Variants in CNTNAP2 observed in about 807,000 individuals in gnomAD.
CNTNAP2 encodes the protein contactin associated protein 2, also known as contactin-associated protein-like 2.
In CNTNAP2, 98 loss-of-function variants were observed where a neutral mutation model predicts 155.2. The observed-to-expected ratio is 0.63, with a 90% CI of 0.54 to 0.75. CNTNAP2 has a LOEUF of 0.75. Among genes scored for constraint, CNTNAP2 ranks in the 30% least tolerant of loss-of-function variants. The pLI, the probability that CNTNAP2 is intolerant of heterozygous loss-of-function variation, is 0.00. For missense variants in CNTNAP2, 1,727 were observed against 1,688.1 expected, an observed-to-expected ratio of 1.02 and a Z score of -0.40; for synonymous variants, 651 against 631.2, an observed-to-expected ratio of 1.03 and a Z score of -0.47.
intron 9 of CNTNAP2, among the ~76,000 whole-genome samples, chr7:147,378,473 G>A (rs369824852): frequency 6.6e-5 from 10 of 152,068 alleles, no homozygotes; most frequent in Admixed American, 3.9e-4. Context: ...TAGAACTGAA[G>A]GACATTATGT....
chr7:146,193,599 A>C (rs1460369155), intron 1 of CNTNAP2, among the ~76,000 whole-genome samples: 2 of 152,184 alleles, frequency 1.3e-5, no homozygotes, highest in East Asian at 3.9e-4. Context: ...CAGAAGGGCC[A>C]TGGGCCCTGT....
intron 3 of CNTNAP2, among the ~76,000 whole-genome samples, chr7:147,004,187 A>G (rs1013557053): frequency 6.8e-6 from 1 of 146,304 alleles, no homozygotes; most frequent in Admixed American, 6.9e-5. Flanking sequence ...GAATTCAATA[A>G]TATTAAAACT....
chr7:147,679,211 A>T (rs1184530746), intron 13 of CNTNAP2, among the ~76,000 whole-genome samples: 1 of 151,936 alleles, frequency 6.6e-6, no homozygotes, highest in Non-Finnish European at 1.5e-5. Context: ...ATTTAAGGAA[A>T]AAGCTCTCTG....
chr7:147,255,035 A>G (rs956362951), intron 8 of CNTNAP2, among the ~76,000 whole-genome samples: 7 of 152,210 alleles, frequency 4.6e-5, no homozygotes, highest in African/African-American at 1.7e-4. Flanking sequence ...TAAAATTATG[A>G]TGGGGAAAAA....
At chr7:147,681,330 A>T (rs115971591) in intron 13 of CNTNAP2, among the ~76,000 whole-genome samples, 39 of 152,044 alleles carry the variant, frequency 2.6e-4, no homozygotes, top group African/African-American at 9.4e-4. Context: ...AATAAATATC[A>T]TTCTTCCTGA....
At chr7:148,072,721 G>A (rs757840344) in intron 15 of CNTNAP2, among the ~76,000 whole-genome samples, 10 of 151,994 alleles carry the variant, frequency 6.6e-5, no homozygotes, top group Non-Finnish European at 1.3e-4. Context: ...TTTTGTTTTT[G>A]TTTTGAGACA....
chr7:147,225,077 TAAAACATCCCA>T (rs1803491275), intron 8 of CNTNAP2, among the ~76,000 whole-genome samples: 2 of 152,202 alleles, frequency 1.3e-5, no homozygotes, highest in African/African-American at 4.8e-5. Flanking sequence ...TGCAGTTAAG[TAAAACATCCCA>T]AATCATGAAC....
intron 11 of CNTNAP2, among the ~76,000 whole-genome samples, chr7:147,529,422 G>A (rs113447094): frequency 1.1e-4 from 17 of 152,140 alleles, no homozygotes; most frequent in East Asian, 3.9e-4. Context: ...CTGTAGAAGC[G>A]CCTGACAGTA....
rs193054795 is a variant in CNTNAP2 at position 148,184,854 on chromosome 7, T to A, written c.3010+12376T>A. 1.7e-3 allele frequency among the ~76,000 whole-genome samples: 261 copies of A among 152,352 alleles called. 1 individual carries two copies. Among genetic ancestry groups the A allele is most frequent in the African/African-American group, 5.8e-3 (240 of 41,592 alleles). On this transcript the variant is annotated intron_variant, in intron 18 of 23. Coordinates refer to ENST00000361727, the MANE Select transcript of CNTNAP2 (RefSeq NM_014141.6). The stretch of plus-strand genomic sequence containing the variant: ...AATTGCACTAATTATATAAAATTCA[T>A]TATTCACAAGGCTGTGAGGATCAAA...
intron 10 of CNTNAP2, among the ~76,000 whole-genome samples, chr7:147,482,828 T>C (rs1798446705): frequency 6.6e-6 from 1 of 152,064 alleles, no homozygotes; most frequent in South Asian, 2.1e-4. Context: ...GGTGAATCAC[T>C]TGAGGTCCGG....
At chr7:147,582,458 AT>A (rs1378301293) in intron 12 of CNTNAP2, among the ~76,000 whole-genome samples, 1 of 152,168 alleles carries the variant, frequency 6.6e-6, no homozygotes, top group Non-Finnish European at 1.5e-5. Context: ...AATGATACAT[AT>A]GAAAATGTTT....
chr7:148,396,532 G>A (rs1425763267), intron 22 of CNTNAP2, among the ~76,000 whole-genome samples: 1 of 152,134 alleles, frequency 6.6e-6, no homozygotes, highest in Admixed American at 6.6e-5. Flanking sequence ...GTCACCACCT[G>A]GAAATGTTAG....
intron 4 of CNTNAP2, among the ~76,000 whole-genome samples, chr7:147,070,188 A>G (rs964084117): frequency 3.3e-5 from 5 of 152,194 alleles, no homozygotes; most frequent in African/African-American, 1.2e-4. Context: ...CACTTTAAAG[A>G]AAATATATTG....
chr7:146,587,772 A>C (rs1490041930), intron 1 of CNTNAP2, among the ~76,000 whole-genome samples: 1 of 151,964 alleles, frequency 6.6e-6, no homozygotes, highest in Non-Finnish European at 1.5e-5. Flanking sequence ...TCCCATGTTC[A>C]AGCGATTCTC....
intron 3 of CNTNAP2, among the ~76,000 whole-genome samples, chr7:147,030,745 A>G (rs1221276305): frequency 1.3e-5 from 2 of 152,192 alleles, no homozygotes; most frequent in Non-Finnish European, 2.9e-5. Context: ...AAGGCCAGGC[A>G]TGATGATTCA....
At chr7:147,275,097 C>T (rs1185493696) in intron 8 of CNTNAP2, among the ~76,000 whole-genome samples, 6 of 152,062 alleles carry the variant, frequency 3.9e-5, no homozygotes, top group Non-Finnish European at 1.5e-5. Flanking sequence ...TAATGTGATG[C>T]TCCTTGCTTC....
chr7:146,130,786 T>A (rs1797702234), intron 1 of CNTNAP2, among the ~76,000 whole-genome samples: 1 of 152,150 alleles, frequency 6.6e-6, no homozygotes, highest in South Asian at 2.1e-4. Flanking sequence ...CTTACAATCA[T>A]GGCAGAAGGC....
intron 9 of CNTNAP2, among the ~76,000 whole-genome samples, chr7:147,301,105 G>A (rs960724331): frequency 3.3e-5 from 5 of 152,110 alleles, no homozygotes; most frequent in Admixed American, 2.6e-4. Context: ...TGATTATAAA[G>A]AGCCATTGAT....
chr7:147,178,772 A>G (rs2116494733), intron 8 of CNTNAP2, among the ~76,000 whole-genome samples: 1 of 152,314 alleles, frequency 6.6e-6, no homozygotes, highest in East Asian at 1.9e-4. Flanking sequence ...AAAGTAGAGG[A>G]ATTTTTAATT....
Sources: gnomAD v4.1 joint callset for allele counts (sites outside exome capture counted in the v4.1 genomes callset) on GRCh38, gnomAD v4.1.1 for gene constraint, MANE v1.5 for transcripts, NCBI Gene and HGNC (gene_info 2026-07-23, HGNC 2026-07-21) for gene names.